The following FAM219A variants were observed in gnomAD, a reference collection of about 807,000 sequenced individuals.
FAM219A encodes family with sequence similarity 219 member A, also known as protein FAM219A.
Under a neutral mutation model 23.4 loss-of-function variants are expected in FAM219A, and 7 were observed. The ratio of observed to expected loss-of-function variants is 0.30; its 90% CI spans 0.17 to 0.56. The LOEUF is 0.56. Ranked by LOEUF, FAM219A falls within the 20% of genes least tolerant of loss-of-function variation. FAM219A has a pLI of 0.92. For synonymous variants in FAM219A, 93 were observed against 99.0 expected, an observed-to-expected ratio of 0.94 and a Z score of 0.36; for missense variants, 166 against 246.9, an observed-to-expected ratio of 0.67 and a Z score of 2.20.
intron 1 of FAM219A, among the ~76,000 whole-genome samples, chr9:34,448,226 A>C (rs1268891729): frequency 2.0e-5 from 3 of 152,202 alleles, no homozygotes; most frequent in African/African-American, 7.2e-5. Context: ...TCAGTGAAAC[A>C]GATTGCTTGG....
At position 34,400,853 on chromosome 9, in the gene FAM219A, T is replaced by A; in HGVS notation, c.*111A>T. 2 of 1,159,072 alleles carry A rather than the reference T, an allele frequency of 1.7e-6. No individual in the cohort carries two copies. The highest frequency in any genetic ancestry group is 2.3e-6 in the Non-Finnish European group (2 of 859,094). 71.8% of individuals were successfully genotyped at this position (1,159,072 alleles called of 1,614,324 possible). The stretch of plus-strand genomic sequence containing the variant: ...ATGACTGTTATACGAGGTTGGCGGC[T>A]GTAGGGGCGCGGGGCCGGGGGCAGG... On this transcript the variant is annotated 3_prime_UTR_variant, in exon 6 of 6. Transcript: ENST00000651358.
chr9:34,423,926 T>A (rs542957535), intron 1 of FAM219A, among the ~76,000 whole-genome samples: 2 of 152,004 alleles, frequency 1.3e-5, no homozygotes, highest in African/African-American at 2.4e-5. Context: ...CCAAATAAGA[T>A]GGAGAAACAG....
intron 1 of FAM219A, among the ~76,000 whole-genome samples, chr9:34,449,828 G>A (rs899893550): frequency 3.9e-5 from 6 of 152,170 alleles, no homozygotes; most frequent in African/African-American, 1.4e-4. Context: ...AAACGTCAGT[G>A]GGCATTGTGA....
intron 1 of FAM219A, among the ~76,000 whole-genome samples, chr9:34,451,629 C>T (rs1220769372): frequency 6.6e-6 from 1 of 152,154 alleles, no homozygotes; most frequent in African/African-American, 2.4e-5. Context: ...TTTTCCATTT[C>T]TGCTCACTCT....
At chr9:34,421,000 G>A (rs1484091323) in intron 1 of FAM219A, among the ~76,000 whole-genome samples, 18 of 106,954 alleles carry the variant, frequency 1.7e-4, no homozygotes, top group African/African-American at 5.7e-4. Flanking sequence ...GTATGTGTGT[G>A]TGTGTGTGTG....
At chr9:34,437,021 T>A (rs1274264734) in intron 1 of FAM219A, among the ~76,000 whole-genome samples, 1 of 152,216 alleles carries the variant, frequency 6.6e-6, no homozygotes, top group Non-Finnish European at 1.5e-5. Context: ...CTAATTTCCC[T>A]GCCACCAAAA....
At chr9:34,418,189 T>C (rs1236136226) in intron 1 of FAM219A, among the ~76,000 whole-genome samples, 3 of 149,044 alleles carry the variant, frequency 2.0e-5, no homozygotes, top group Non-Finnish European at 3.0e-5. Context: ...ATGAAGCTGG[T>C]AGTGAGATGG....
intron 1 of FAM219A, among the ~76,000 whole-genome samples, chr9:34,426,173 T>C (rs955953608): frequency 5.9e-5 from 9 of 152,090 alleles, no homozygotes; most frequent in African/African-American, 2.2e-4. Context: ...GGCAGTAGGA[T>C]CCTGAATTTT....
At position 34,398,838 on chromosome 9, in the gene FAM219A, T is replaced by TG. The variant is rs930626142; in HGVS notation, c.*2125dup. 5.5e-6 allele frequency: 1 copy of TG among 181,084 alleles called. No homozygotes were observed. The highest frequency in any genetic ancestry group is 1.2e-5 in the Non-Finnish European group (1 of 84,296). 11.2% of individuals were successfully genotyped at this position (181,084 alleles called of 1,614,324 possible). A position where few individuals can be genotyped will look rare whatever the true frequency, so the allele number is the denominator to read the frequency against. On this transcript the variant is annotated 3_prime_UTR_variant, in exon 6 of 6. Coordinates refer to ENST00000651358, the MANE Select transcript of FAM219A (RefSeq NM_001184940.2). ...TCTGGGTGGGAGAGGTGGGTTCAGATGGGGGCCAGTATGGGCCTTGTGGGT... is the reference window on the plus strand; with the variant it reads ...TCTGGGTGGGAGAGGTGGGTTCAGATGGGGGGCCAGTATGGGCCTTGTGGGT...
intron 2 of FAM219A, 141 bp downstream of exon 2, chr9:34,405,724 C>T (rs1235426556): frequency 1.1e-5 from 8 of 752,886 alleles, no homozygotes; most frequent in East Asian, 5.9e-5. Context: ...AGACAAGGTG[C>T]CTCGCAGTGC....
In FAM219A at chr9:34,399,227, G is replaced by A. The variant is rs1467838477; in HGVS notation, c.*1737C>T. Reference sequence around the variant, plus strand: ...AGCATGAGATGATCCACCTGGGCCTGTGCTATAAGGTATGTGGGCACAGGC... The same window carrying A: ...AGCATGAGATGATCCACCTGGGCCTATGCTATAAGGTATGTGGGCACAGGC... On this transcript the variant is annotated 3_prime_UTR_variant, in exon 6 of 6. Transcript: ENST00000651358. 4 of 152,206 alleles carry A rather than the reference G, an allele frequency of 2.6e-5. No individual in the cohort carries two copies. Among genetic ancestry groups the A allele is most frequent in the African/African-American group, 9.7e-5 (4 of 41,412 alleles). 9.4% of individuals were successfully genotyped at this position (152,206 alleles called of 1,614,324 possible). A position where few individuals can be genotyped will look rare whatever the true frequency, so the allele number is the denominator to read the frequency against.
At chr9:34,413,150 G>A (rs558929753) in intron 1 of FAM219A, among the ~76,000 whole-genome samples, 2 of 151,566 alleles carry the variant, frequency 1.3e-5, no homozygotes, top group East Asian at 1.9e-4. Context: ...TAACAAAACA[G>A]AAGGGAGGTA....
intron 2 of FAM219A, among the ~76,000 whole-genome samples, chr9:34,404,067 TGTAATGG>T (rs1303865535): frequency 6.6e-6 from 1 of 152,142 alleles, no homozygotes; most frequent in Non-Finnish European, 1.5e-5. Flanking sequence ...TTGATGGTAA[TGTAATGG>T]GGAGAAAAAA....
intron 1 of FAM219A, among the ~76,000 whole-genome samples, chr9:34,434,501 CTGAG>C (rs2131987595): frequency 6.6e-6 from 1 of 152,198 alleles, no homozygotes; most frequent in Non-Finnish European, 1.5e-5. Context: ...CCCTATAAAG[CTGAG>C]TAACTCCCCT....
intron 2 of FAM219A, among the ~76,000 whole-genome samples, chr9:34,403,733 G>A (rs1261247521): frequency 6.6e-6 from 1 of 152,210 alleles, no homozygotes; most frequent in African/African-American, 2.4e-5. Flanking sequence ...CTAGGAAAAG[G>A]AACTGTTAGG....
intron 1 of FAM219A, among the ~76,000 whole-genome samples, chr9:34,436,652 A>G (rs1822933759): frequency 6.6e-6 from 1 of 152,232 alleles, no homozygotes; most frequent in Non-Finnish European, 1.5e-5. Flanking sequence ...TACACATTAT[A>G]TTTTGAGACA....
chr9:34,452,826 AC>A (rs1007152168), intron 1 of FAM219A, among the ~76,000 whole-genome samples: 1 of 151,990 alleles, frequency 6.6e-6, no homozygotes, highest in Non-Finnish European at 1.5e-5. Context: ...GCCTTCCCTG[AC>A]CACTCGATGA....
At position 34,402,436 on chromosome 9, in the gene FAM219A, G is replaced by A; in HGVS notation, c.295C>T (p.Leu99Phe). ...GGCTTCTCATCAGGGCTCTGGTCAAGTGAGGAGTAGCCTTTATTGGGGACG... is the reference window on the plus strand; with the variant it reads ...GGCTTCTCATCAGGGCTCTGGTCAAATGAGGAGTAGCCTTTATTGGGGACG... Reference protein sequence around the residue: ...LVVPNKGYSSLDQSPDEKPLV... With the variant: ...LVVPNKGYSSFDQSPDEKPLV... Residue 99 changes from leucine to phenylalanine, a missense_variant, in exon 4 of 6, where the codon CTT (leucine) becomes TTT (phenylalanine). Leu to Phe is a conservative substitution (Grantham distance 22, BLOSUM62 0). Coordinates refer to ENST00000651358, the MANE Select transcript of FAM219A (RefSeq NM_001184940.2). The A allele has an allele frequency of 6.2e-7, 1 of 1,614,240 alleles. No homozygotes were observed. The highest frequency in any genetic ancestry group is 2.2e-5 in the East Asian group (1 of 44,882).
At chr9:34,437,179 A>T (rs1822953006) in intron 1 of FAM219A, among the ~76,000 whole-genome samples, 3 of 151,304 alleles carry the variant, frequency 2.0e-5, no homozygotes, top group African/African-American at 7.3e-5. Context: ...GACAAACACT[A>T]CTCTCTCTCT....
Sources: allele counts gnomAD v4.1 joint callset (sites outside exome capture counted in the v4.1 genomes callset), GRCh38; gene constraint gnomAD v4.1.1; transcripts MANE v1.5; gene names NCBI Gene and HGNC (gene_info 2026-07-23, HGNC 2026-07-21).